The following GREB1 variants were observed in gnomAD, a reference collection of about 807,000 sequenced individuals.
GREB1 encodes the protein protein GREB1.
A neutral mutation model predicts 200.7 loss-of-function variants in GREB1; 106 were observed. The ratio of observed to expected loss-of-function variants is 0.53; its 90% confidence interval spans 0.45 to 0.62. The LOEUF (loss-of-function observed/expected upper bound fraction) is 0.62. Among genes scored for constraint, GREB1 ranks in the 20% least tolerant of loss-of-function variants. The pLI, the probability that GREB1 is intolerant of heterozygous loss-of-function variation, is 0.00. For synonymous variants in GREB1, 1,132 were observed against 1,092.4 expected, an observed-to-expected ratio of 1.04 and a Z score of -0.72; for missense variants, 2,243 against 2,556.8, an observed-to-expected ratio of 0.88 and a Z score of 2.65.
Position 11,640,327 on chromosome 2 carries a change from C to T in GREB1, c.5723C>T (p.Ser1908Leu), listed in dbSNP as rs1430718423. The T allele has an allele frequency of 1.2e-6, 2 of 1,614,066 alleles. No homozygotes were observed. Residue 1908 changes from serine (S) to leucine (L), a missense_variant, in exon 33 of 33, where the codon TCA becomes TTA. Around this residue, in one of 3 missense-constraint regions of GREB1, gnomAD observed 478 missense variants for 616.3 expected, o/e 0.78. Coordinates refer to ENST00000381486, the MANE Select transcript of GREB1 (RefSeq NM_014668.4). The surrounding 1 kb of genome is among the most constrained non-coding windows in gnomAD (Gnocchi z 4.6). The part of the protein sequence containing the change: ...TLCVICQDRS[S>L]LRQTVVRLEL... ...TGTGTCATCTGTCAGGACCGGAGCT[C>T]ACTGCGCCAGACGGTCGTCCGCCTG...
At chr2:11,612,087 G>A (rs544721424) in intron 18 of GREB1, among the ~76,000 whole-genome samples, 2 of 151,862 alleles carry the variant, frequency 1.3e-5, no homozygotes, top group East Asian at 1.9e-4. Context: ...CCAGCTACTC[G>A]GGAGGCTGAG....
At chr2:11,623,173 C>T (rs986697419) in intron 23 of GREB1, among the ~76,000 whole-genome samples, 41 of 152,160 alleles carry the variant, frequency 2.7e-4, no homozygotes, top group African/African-American at 9.7e-4. Flanking sequence ...CTAGTGATAT[C>T]GTAGTCATCG....
In GREB1 at chr2:11,616,702, C is replaced by T; in HGVS notation, c.3394C>T (p.Leu1132Phe). ...SRSHDSASSS[L>F]SSKASGSALG... ...CTCCCACGACTCAGCATCCTCATCC[C>T]TCTCCTCCAAGGCTTCCGGTGAGTC... Residue 1132 changes from leucine (L) to phenylalanine (F), a missense_variant, in exon 21 of 33, where the codon CTC (leucine) becomes TTC (phenylalanine). By Grantham distance (22) the Leu-to-Phe change is conservative (BLOSUM62 0). This residue lies in a region of GREB1 where 587 missense variants were observed against 553.1 expected (regional missense o/e 1.06). Transcript: ENST00000381486. 1 of 1,610,030 alleles carries T rather than the reference C, an allele frequency of 6.2e-7. No individual in the cohort carries two copies. Among genetic ancestry groups the T allele is most frequent in the East Asian group, 2.2e-5 (1 of 44,860 alleles).
At chr2:11,498,543 A>G (rs1672947877) in intron 1 of GREB1, among the ~76,000 whole-genome samples, 1 of 152,204 alleles carries the variant, frequency 6.6e-6, no homozygotes, top group African/African-American at 2.4e-5. Context: ...GACCACAAAG[A>G]GTGTTCAGCT....
At chr2:11,485,650 C>A (rs113645899) in intron 1 of GREB1, among the ~76,000 whole-genome samples, 1,906 of 152,288 alleles carry the variant, frequency 0.013, 16 homozygotes, top group Non-Finnish European at 0.021. Context: ...AACAGCCTTT[C>A]TGAAAGGTTT....
chr2:11,578,156 C>T (rs1421708715), intron 5 of GREB1, 141 bp from the exon 6 acceptor site: 3 of 923,056 alleles, frequency 3.3e-6, no homozygotes, highest in Non-Finnish European at 4.9e-6. Flanking sequence ...CACGCTGAAA[C>T]AAAGACCAGG....
At position 11,548,319 on chromosome 2, in the gene GREB1, C is replaced by T. The variant is rs138586129; in HGVS notation, c.-161-8135C>T. 1.2e-4 allele frequency among the ~76,000 whole-genome samples: 19 copies of T among 152,154 alleles called. No homozygotes were observed. Among genetic ancestry groups the T allele is most frequent in the African/African-American group, 3.6e-4 (15 of 41,500 alleles). On this transcript the variant is annotated intron_variant, in intron 1 of 32. Coordinates refer to ENST00000381486, the MANE Select transcript of GREB1 (RefSeq NM_014668.4). This position sits in a 1 kb window ranked among gnomAD's most constrained non-coding sequence, Gnocchi z 5.1. Reference sequence around the variant, plus strand: ...GCACATACCCACATATGCACACACACGCACACACCCAGACACGTGCACACA... The same window carrying T: ...GCACATACCCACATATGCACACACATGCACACACCCAGACACGTGCACACA...
chr2:11,525,411 C>A (rs973843783), intron 1 of GREB1, among the ~76,000 whole-genome samples: 2 of 148,898 alleles, frequency 1.3e-5, no homozygotes, highest in Non-Finnish European at 3.0e-5. Flanking sequence ...GCAGGAGGAT[C>A]GCTTGAACCT....
At position 11,592,873 on chromosome 2, in the gene GREB1, G is replaced by C. The variant is rs977349859; in HGVS notation, c.1443G>C (p.Ala481=). 1.3e-6 allele frequency: 2 copies of C among 1,597,578 alleles called. No homozygotes were observed. Among genetic ancestry groups the C allele is most frequent in the African/African-American group, 2.7e-5 (2 of 73,654 alleles). The change falls in exon 11 of 33, where the codon GCG becomes GCC. Residue 481 remains alanine, a synonymous_variant. Transcript: ENST00000381486. ...HLTEIRQYQQ[A]PPQPFPPAPS... ...CCGAGATCCGGCAGTACCAGCAGGC[G>C]CCGCCGCAGCCCTTCCCGCCCGCGC...
At position 11,633,496 on chromosome 2, in the gene GREB1, G is replaced by A. The variant is rs1452522844; in HGVS notation, c.4991+433G>A. On this transcript the variant is annotated intron_variant, in intron 28 of 32. Transcript: ENST00000381486. This position sits in a 1 kb window ranked among gnomAD's most constrained non-coding sequence, Gnocchi z 4.1. ...GAAGCATGGCGTGAACCCGGGAGGCGGAGCTTGTAGTAAGTGGAGATGGCG... is the reference window on the plus strand; with the variant it reads ...GAAGCATGGCGTGAACCCGGGAGGCAGAGCTTGTAGTAAGTGGAGATGGCG... 3.3e-5 allele frequency among the ~76,000 whole-genome samples: 5 copies of A among 151,682 alleles called. No individual in the cohort carries two copies. Among genetic ancestry groups the A allele is most frequent in the South Asian group, 4.2e-4 (2 of 4,786 alleles).
chr2:11,620,828 A>C, intron 22 of GREB1, 77 bp from the exon 23 acceptor site: 1 of 797,272 alleles, frequency 1.3e-6, no homozygotes, highest in Non-Finnish European at 2.2e-6. Context: ...GTCAGGAGCC[A>C]TGCCAGGTGT....
At chr2:11,536,164 A>G (rs941874888) in intron 1 of GREB1, among the ~76,000 whole-genome samples, 1 of 152,146 alleles carries the variant, frequency 6.6e-6, no homozygotes, top group African/African-American at 2.4e-5. Context: ...CAGTTTCGGG[A>G]GGTCAGAACC....
At chr2:11,611,423 C>T (rs1224206474) in intron 18 of GREB1, among the ~76,000 whole-genome samples, 1 of 152,186 alleles carries the variant, frequency 6.6e-6, no homozygotes, top group Non-Finnish European at 1.5e-5. Context: ...AGGGATCCTC[C>T]CACCTCAGGC....
At chr2:11,617,765 T>G (rs982325440) in intron 21 of GREB1, among the ~76,000 whole-genome samples, 1 of 152,026 alleles carries the variant, frequency 6.6e-6, no homozygotes, top group Non-Finnish European at 1.5e-5. Context: ...AGGGAGCGGC[T>G]GAGAGTCCCT....
intron 10 of GREB1, among the ~76,000 whole-genome samples, chr2:11,590,530 G>C (rs1217312438): frequency 6.6e-6 from 1 of 152,164 alleles, no homozygotes; most frequent in Non-Finnish European, 1.5e-5. Flanking sequence ...TGTGTGGCTT[G>C]CTCCCTTATG....
chr2:11,551,517 G>A (rs1675827732), intron 1 of GREB1, among the ~76,000 whole-genome samples: 1 of 152,184 alleles, frequency 6.6e-6, no homozygotes, highest in Admixed American at 6.5e-5. Flanking sequence ...TACAATGTCT[G>A]ATTTTCACCC....
At chr2:11,570,862 C>T (rs975688349) in intron 4 of GREB1, among the ~76,000 whole-genome samples, 1 of 152,118 alleles carries the variant, frequency 6.6e-6, no homozygotes, top group Non-Finnish European at 1.5e-5. Flanking sequence ...AACCTCCCAA[C>T]ATCATACTAT....
chr2:11,501,850 G>C (rs920462678), intron 1 of GREB1, among the ~76,000 whole-genome samples: 1 of 102,122 alleles, frequency 9.8e-6, no homozygotes, highest in Non-Finnish European at 2.1e-5. Context: ...TTTTATTTAT[G>C]TTTGTGCGGA....
chr2:11,545,392 A>G (rs573686657), intron 1 of GREB1, among the ~76,000 whole-genome samples: 1 of 152,262 alleles, frequency 6.6e-6, no homozygotes, highest in African/African-American at 2.4e-5. Context: ...TCAGCCTCCC[A>G]AAGTGCTGGG....
Sources: allele counts gnomAD v4.1 joint callset (sites outside exome capture counted in the v4.1 genomes callset), GRCh38; gene constraint gnomAD v4.1.1; regional missense constraint gnomAD v4.1.1; non-coding constraint Gnocchi (gnomAD v3.1); transcripts MANE v1.5; gene names NCBI Gene and HGNC (gene_info 2026-07-23, HGNC 2026-07-21).